The following AASDH variants were observed in gnomAD, a reference collection of about 807,000 sequenced individuals.
The protein encoded by AASDH is beta-alanine-activating enzyme.
AASDH carries 81 observed loss-of-function variants against 102.3 expected under a neutral mutation model. The observed-to-expected ratio is 0.79, with a 90% CI of 0.66 to 0.95. The LOEUF (loss-of-function observed/expected upper bound fraction) is 0.95. Ranked by LOEUF, AASDH falls within the 40% of genes least tolerant of loss-of-function variation. AASDH has a pLI of 0.00. For missense variants in AASDH, 1,203 were observed against 1,266.2 expected, an observed-to-expected ratio of 0.95 and a Z score of 0.76; for synonymous variants, 398 against 454.0, an observed-to-expected ratio of 0.88 and a Z score of 1.57.
In AASDH at chr4:56,371,658, A is replaced by G; in HGVS notation, c.669-15T>C. On this transcript the variant is annotated splice_polypyrimidine_tract_variant and intron_variant, in intron 4 of 14. Transcript: ENST00000205214. The stretch of plus-strand genomic sequence containing the variant: ...CAAAAAGTACCCTAAGGCAAAACAG[A>G]ATGCAGTTATGAGAAACGTCAAACA... 6.3e-7 allele frequency: 1 copy of G among 1,591,182 alleles called. No homozygotes were observed. Among genetic ancestry groups the G allele is most frequent in the Non-Finnish European group, 8.5e-7 (1 of 1,173,180 alleles).
At chr4:56,376,055 G>A (rs186882639) in intron 4 of AASDH, among the ~76,000 whole-genome samples, 16 of 121,782 alleles carry the variant, frequency 1.3e-4, no homozygotes, top group African/African-American at 3.8e-4. Context: ...ATTGAGTCTC[G>A]CTCTGTCACC....
chr4:56,377,722 C>G (rs963632060), intron 4 of AASDH, among the ~76,000 whole-genome samples: 1 of 152,168 alleles, frequency 6.6e-6, no homozygotes, highest in African/African-American at 2.4e-5. Context: ...ACTCAATTTA[C>G]TTCTTAGGAC....
chr4:56,355,559 A>G, intron 5 of AASDH, 136 bp from the exon 6 acceptor site: 1 of 657,662 alleles, frequency 1.5e-6, no homozygotes, highest in East Asian at 3.6e-5. Context: ...GGGAAATCCC[A>G]TTTGGAAAAC....
chr4:56,357,582 T>C (rs776877408), intron 5 of AASDH, among the ~76,000 whole-genome samples: 10 of 151,590 alleles, frequency 6.6e-5, no homozygotes, highest in Non-Finnish European at 1.2e-4. Context: ...ACTGATCTAT[T>C]TTCTGTCGCT....
At chr4:56,372,134 TAGA>T (rs1342664797) in intron 4 of AASDH, among the ~76,000 whole-genome samples, 4 of 152,218 alleles carry the variant, frequency 2.6e-5, no homozygotes, top group African/African-American at 4.8e-5. Flanking sequence ...GGAAGGCCTT[TAGA>T]AGAAGTTTTA....
At chr4:56,355,011 G>GT (rs1444457449) in intron 6 of AASDH, among the ~76,000 whole-genome samples, 171 bp downstream of exon 6, 1 of 152,204 alleles carries the variant, frequency 6.6e-6, no homozygotes, top group Non-Finnish European at 1.5e-5. Flanking sequence ...AGTTGCAGCA[G>GT]TATCTTGGCA....
intron 11 of AASDH, among the ~76,000 whole-genome samples, chr4:56,345,530 CTTATT>C (rs1171204224): frequency 6.6e-6 from 1 of 152,136 alleles, no homozygotes; most frequent in Non-Finnish European, 1.5e-5. Context: ...TTTTTACATA[CTTATT>C]TTTAAGAAGC....
At chr4:56,356,058 C>A in intron 5 of AASDH, 1 of 509,758 alleles carries the variant, frequency 2.0e-6, no homozygotes, top group Non-Finnish European at 3.4e-6. Context: ...TTTACCTTTC[C>A]TTTCTTACTC....
In AASDH at chr4:56,353,581, GAAGCT is replaced by G; in HGVS notation, c.1394_1398del (p.Glu465AlafsTer12). The G allele has an allele frequency of 6.2e-7, 1 of 1,610,658 alleles. No individual in the cohort carries two copies. Among genetic ancestry groups the G allele is most frequent in the Non-Finnish European group, 8.5e-7 (1 of 1,179,500 alleles). The stretch of plus-strand genomic sequence containing the variant: ...GTAACTGCACAAGACTCCACTTGCT[GAAGCT>G]CTTCAGCAACCTATAAGAGAGATTA... On this transcript the variant is annotated frameshift_variant, in exon 9 of 15. Coordinates refer to ENST00000205214, the MANE Select transcript of AASDH (RefSeq NM_181806.4). LOFTEE classifies it high-confidence loss of function.
At chr4:56,347,124 T>C (rs569021282) in intron 11 of AASDH, among the ~76,000 whole-genome samples, 2 of 151,846 alleles carry the variant, frequency 1.3e-5, no homozygotes, top group East Asian at 3.9e-4. Context: ...CTCATGATTA[T>C]TTCAACGGCT....
intron 3 of AASDH, chr4:56,381,859 A>G (rs1160535264): frequency 6.6e-6 from 1 of 152,232 alleles, no homozygotes; most frequent in African/African-American, 2.4e-5. Flanking sequence ...TGCTGAAGAT[A>G]TAACACCAAT....
chr4:56,383,231 TA>T (rs1410738884), intron 2 of AASDH, among the ~76,000 whole-genome samples: 1 of 152,206 alleles, frequency 6.6e-6, no homozygotes, highest in African/African-American at 2.4e-5. Context: ...TTGCACATAG[TA>T]AATTCTCAAT....
intron 5 of AASDH, chr4:56,356,638 T>C: frequency 1.4e-6 from 1 of 694,220 alleles, no homozygotes. Context: ...GGTTGTCTTC[T>C]TGCCTGCCCT....
intron 5 of AASDH, among the ~76,000 whole-genome samples, chr4:56,363,884 C>A (rs1750653678): frequency 6.6e-6 from 1 of 152,152 alleles, no homozygotes; most frequent in Non-Finnish European, 1.5e-5. Flanking sequence ...ATGACTTTGA[C>A]AAGTTGAGAG....
At chr4:56,345,478 T>C (rs1748225508) in intron 11 of AASDH, among the ~76,000 whole-genome samples, 188 bp from the exon 12 acceptor site, 2 of 152,260 alleles carry the variant, frequency 1.3e-5, no homozygotes, top group African/African-American at 4.8e-5. Flanking sequence ...AAAATATCTA[T>C]TTAGTAGGTG....
In AASDH at chr4:56,354,703, A is replaced by G; in HGVS notation, c.1210+2T>C. On this transcript the variant is annotated splice_donor_variant, in intron 7 of 14. Transcript: ENST00000205214. LOFTEE classifies it high-confidence loss of function. ...ATTCCCAATCAACAAATATAAAACA[A>G]CCTAAAAATACTTGGCCACTGCCTT... The G allele has an allele frequency of 6.3e-7, 1 of 1,591,580 alleles. No individual in the cohort carries two copies. The highest frequency in any genetic ancestry group is 8.5e-7 in the Non-Finnish European group (1 of 1,170,820).
At chr4:56,364,513 T>G (rs1750740356) in intron 5 of AASDH, among the ~76,000 whole-genome samples, 1 of 152,176 alleles carries the variant, frequency 6.6e-6, no homozygotes. Context: ...GACTAACAGC[T>G]GATCACTCGG....
chr4:56,380,202 A>G (rs1422870770), intron 3 of AASDH, among the ~76,000 whole-genome samples: 1 of 152,220 alleles, frequency 6.6e-6, no homozygotes, highest in Admixed American at 6.5e-5. Context: ...TGAGTCTAAG[A>G]AAATTGTTGG....
chr4:56,382,438 G>T, intron 3 of AASDH, 39 bp downstream of exon 3: 2 of 1,490,078 alleles, frequency 1.3e-6, no homozygotes, highest in Middle Eastern at 2.1e-4. Flanking sequence ...TGAAATAAAT[G>T]TAATACAGGC....
Sources: allele counts gnomAD v4.1 joint callset (sites outside exome capture counted in the v4.1 genomes callset), GRCh38; gene constraint gnomAD v4.1.1; transcripts MANE v1.5; gene names NCBI Gene and HGNC (gene_info 2026-07-23, HGNC 2026-07-21).